TMEM131L: variants seen among roughly 807,000 people sequenced by gnomAD.
TMEM131L encodes the protein transmembrane 131 like, also known as transmembrane protein 131-like.
A neutral mutation model predicts 192.2 loss-of-function variants in TMEM131L; 54 were observed. The ratio of observed to expected loss-of-function variants is 0.28; its 90% CI spans 0.23 to 0.35. The LOEUF (loss-of-function observed/expected upper bound fraction) is 0.35, where lower values mean the gene tolerates loss of function less well. TMEM131L is among the 10% of genes least tolerant of loss of function. The probability of loss-of-function intolerance (pLI) is 1.00; values close to 1 mark genes in which losing one functional copy is unlikely to be tolerated. For missense variants in TMEM131L, 1,888 were observed against 1,972.9 expected (o/e 0.96, Z 0.82); for synonymous variants, 701 against 704.9 (o/e 0.99, Z 0.09).
intron 34 of TMEM131L, 143 bp downstream of exon 34, chr4:153,635,714 C>T (rs1734522245): frequency 1.2e-6 from 1 of 860,628 alleles, no homozygotes; most frequent in Non-Finnish European, 1.8e-6. Context: ...TCACAGAAGC[C>T]AGGGCTGGCC....
chr4:153,477,260 G>C (rs1451740432), intron 3 of TMEM131L, among the ~76,000 whole-genome samples: 1 of 152,130 alleles, frequency 6.6e-6, no homozygotes, highest in East Asian at 1.9e-4. Flanking sequence ...GCTGCCTCCT[G>C]GGAATCTCAG....
rs752202645 is a variant in TMEM131L at position 153,585,473 on chromosome 4, C to T, written c.1173C>T (p.Asp391=). 9 of 1,614,046 alleles carry T rather than the reference C, an allele frequency of 5.6e-6. No homozygotes were observed. The highest frequency in any genetic ancestry group is 4.4e-5 in the South Asian group (4 of 91,066). The part of the protein sequence containing the change: ...SSVAQGYFRM[D]SSATQFHIET... The stretch of plus-strand genomic sequence containing the variant: ...CTGTTCACAGGTATTTTAGAATGGA[C>T]TCTTCTGCAACCCAGTTTCACATAG... The change falls in exon 13 of 35, where the codon GAC becomes GAT. Residue 391 remains aspartate (D), a synonymous_variant. Transcript: ENST00000409959.
chr4:153,556,887 G>A, intron 5 of TMEM131L, 79 bp from the exon 6 acceptor site: 1 of 718,498 alleles, frequency 1.4e-6, no homozygotes, highest in Non-Finnish European at 2.5e-6. Flanking sequence ...AACAGAAATT[G>A]TCAAAAAAAG....
chr4:153,581,016 G>T (rs1578792868), intron 8 of TMEM131L, 113 bp downstream of exon 8: 2 of 704,636 alleles, frequency 2.8e-6, no homozygotes, highest in East Asian at 2.9e-5. Context: ...CACTTTGGGA[G>T]GCCGAGGCGA....
chr4:153,595,856 A>G (rs1182108986), intron 19 of TMEM131L, among the ~76,000 whole-genome samples: 1 of 152,248 alleles, frequency 6.6e-6, no homozygotes, highest in Non-Finnish European at 1.5e-5. Flanking sequence ...ATTTATATAA[A>G]GAGATCTTTG....
chr4:153,612,523 A>G (rs1051671728), intron 26 of TMEM131L, 123 bp downstream of exon 26: 2 of 705,290 alleles, frequency 2.8e-6, no homozygotes, highest in Non-Finnish European at 4.5e-6. Flanking sequence ...GGTGAGTTTG[A>G]TGTGTGTGTG....
chr4:153,509,200 A>G (rs576974876), intron 3 of TMEM131L, among the ~76,000 whole-genome samples: 19 of 151,356 alleles, frequency 1.3e-4, no homozygotes, highest in Non-Finnish European at 2.8e-4. Context: ...ACAACAACAA[A>G]AAAAACAAAA....
At chr4:153,508,350 C>G (rs569183614) in intron 3 of TMEM131L, among the ~76,000 whole-genome samples, 1 of 152,214 alleles carries the variant, frequency 6.6e-6, no homozygotes, top group East Asian at 1.9e-4. Context: ...ATTGTGGTGT[C>G]CATATGAGAT....
At chr4:153,513,235 C>T (rs186805600) in intron 3 of TMEM131L, among the ~76,000 whole-genome samples, 6 of 152,114 alleles carry the variant, frequency 3.9e-5, no homozygotes, top group Admixed American at 1.3e-4. Flanking sequence ...TTGTTGCCTT[C>T]GCCAGAGCAC....
intron 2 of TMEM131L, among the ~76,000 whole-genome samples, chr4:153,471,809 C>G (rs191043818): frequency 6.6e-6 from 1 of 152,130 alleles, no homozygotes; most frequent in African/African-American, 2.4e-5. Context: ...ACCTTTGGGG[C>G]GGGCCCAGTT....
intron 26 of TMEM131L, among the ~76,000 whole-genome samples, chr4:153,618,923 T>C (rs1733189389): frequency 6.6e-6 from 1 of 152,170 alleles, no homozygotes; most frequent in African/African-American, 2.4e-5. Context: ...ACATCCCTCC[T>C]CACTGCCCAG....
chr4:153,523,604 C>T (rs996410054), intron 3 of TMEM131L, among the ~76,000 whole-genome samples: 4 of 152,076 alleles, frequency 2.6e-5, no homozygotes, highest in Non-Finnish European at 4.4e-5. Flanking sequence ...CAGAGCTGGT[C>T]GGCTAGTTGT....
chr4:153,603,718 C>T (rs1732009097), intron 24 of TMEM131L, 84 bp from the exon 25 acceptor site: 1 of 1,414,754 alleles, frequency 7.1e-7, no homozygotes, highest in Non-Finnish European at 9.6e-7. Flanking sequence ...CTGATTGCTA[C>T]CCTTTTCTCA....
At chr4:153,519,341 G>T (rs1734950331) in intron 3 of TMEM131L, among the ~76,000 whole-genome samples, 1 of 152,230 alleles carries the variant, frequency 6.6e-6, no homozygotes, top group African/African-American at 2.4e-5. Flanking sequence ...TGGCATAGTA[G>T]TTGTTTTTGA....
chr4:153,495,404 G>T (rs192947865), intron 3 of TMEM131L, among the ~76,000 whole-genome samples: 12 of 152,258 alleles, frequency 7.9e-5, no homozygotes, highest in African/African-American at 2.6e-4. Flanking sequence ...CCTGTGCCCA[G>T]GGTGGTCGGG....
intron 3 of TMEM131L, among the ~76,000 whole-genome samples, chr4:153,536,486 C>A (rs1198148352): frequency 6.6e-6 from 1 of 152,222 alleles, no homozygotes; most frequent in East Asian, 1.9e-4. Flanking sequence ...CTCTAGCTGT[C>A]AGGGCACTGG....
At chr4:153,563,887 T>G (rs1729016545) in intron 7 of TMEM131L, among the ~76,000 whole-genome samples, 2 of 152,130 alleles carry the variant, frequency 1.3e-5, no homozygotes, top group Admixed American at 1.3e-4. Context: ...TTCCTCCCAA[T>G]TCATATGCTG....
chr4:153,467,417 C>T, intron 2 of TMEM131L, 136 bp downstream of exon 2: 1 of 747,370 alleles, frequency 1.3e-6, no homozygotes, highest in South Asian at 1.7e-5. Context: ...ACGTTAGGGG[C>T]CGAGCCTGAA....
At chr4:153,591,713 C>T (rs147627247) in intron 17 of TMEM131L, among the ~76,000 whole-genome samples, 8 of 152,256 alleles carry the variant, frequency 5.3e-5, no homozygotes, top group African/African-American at 1.7e-4. Context: ...CTATACCACA[C>T]GTGACATGAA....
Sources: gnomAD v4.1 joint callset for allele counts (sites outside exome capture counted in the v4.1 genomes callset) on GRCh38, gnomAD v4.1.1 for gene constraint, MANE v1.5 for transcripts, NCBI Gene and HGNC (gene_info 2026-07-23, HGNC 2026-07-21) for gene names.